NOX1: variants seen among roughly 807,000 people sequenced by gnomAD.
The protein encoded by NOX1 is NADPH oxidase 1.
NOX1 carries 34 observed loss-of-function variants against 42.5 expected under a neutral mutation model. The observed-to-expected ratio is 0.80, with a 90% CI of 0.61 to 1.07. The LOEUF (loss-of-function observed/expected upper bound fraction) is 1.07, where lower values mean the gene tolerates loss of function less well. NOX1 is among the 50% of genes least tolerant of loss of function. NOX1 has a pLI of 0.00. For synonymous variants in NOX1, 143 were observed against 152.5 expected (o/e 0.94, Z 0.46); for missense variants, 408 against 427.0 (o/e 0.96, Z 0.39).
intron 4 of NOX1, 101 bp downstream of exon 4, chrX:100,863,058 C>T: frequency 1.5e-6 from 1 of 674,282 alleles, no homozygotes; most frequent in Non-Finnish European, 2.4e-6. Context: ...AAATAGTGCC[C>T]AGTGCTCGAT....
Position 100,863,599 on chromosome X carries a change from C to T in NOX1, c.142-4G>A, listed in dbSNP as rs201776721. On this transcript the variant is annotated splice_polypyrimidine_tract_variant and splice_region_variant and intron_variant, in intron 2 of 12. Transcript: ENST00000372966. The stretch of plus-strand genomic sequence containing the variant: ...CTCGGGCACAGGCCAATGTTGACTA[C>T]AGCAGAGGAGAAAAAGAGACCATCA... 6.8e-4 allele frequency: 815 copies of T among 1,202,442 alleles called. No individual in the cohort carries two copies. The highest frequency in any genetic ancestry group is 8.5e-4 in the Admixed American group (38 of 44,545).
intron 2 of NOX1, among the ~76,000 whole-genome samples, chrX:100,870,207 CTATT>C (rs930184851): frequency 6.6e-5 from 7 of 105,693 alleles, no homozygotes; most frequent in Admixed American, 2.1e-4. Context: ...CCCTCTTTTT[CTATT>C]GATTGAAATA....
In NOX1 at chrX:100,874,159, G is replaced by A; in HGVS notation, c.-20C>T. 1 of 1,149,160 alleles carries A rather than the reference G, an allele frequency of 8.7e-7. No individual in the cohort carries two copies. The highest frequency in any genetic ancestry group is 1.2e-6 in the Non-Finnish European group (1 of 843,855). The allele number at this position is 1,149,160 out of a possible 1,213,427, so 94.7% of individuals were successfully genotyped here. A position where few individuals can be genotyped will look rare whatever the true frequency, so the allele number is the denominator to read the frequency against. The stretch of plus-strand genomic sequence containing the variant: ...TCCCATTGTCAAGAGGTGGTTTGGA[G>A]CCCTTCTAGGCAACAGGGAAGATTC... On this transcript the variant is annotated 5_prime_UTR_variant, in exon 1 of 13. Transcript: ENST00000372966.
chrX:100,870,689 G>T (rs777011792), intron 2 of NOX1, 30 bp downstream of exon 2: 1 of 891,154 alleles, frequency 1.1e-6, no homozygotes, highest in Non-Finnish European at 1.6e-6. Context: ...AAACAATAGA[G>T]ATTCTATCCG....
At chrX:100,865,725 C>T (rs889862643) in intron 2 of NOX1, among the ~76,000 whole-genome samples, 2 of 112,631 alleles carry the variant, frequency 1.8e-5, no homozygotes, top group African/African-American at 6.4e-5. Flanking sequence ...TAATGACTAG[C>T]TTTTTGGGAG....
chrX:100,858,159 G>A (rs1168798543), intron 7 of NOX1, among the ~76,000 whole-genome samples: 1 of 111,560 alleles, frequency 9.0e-6, no homozygotes, highest in South Asian at 3.8e-4. Flanking sequence ...ATGGCTAGCC[G>A]GTTATCCCAG....
In NOX1 at chrX:100,847,324, G is replaced by A. The variant is rs564580635; in HGVS notation, c.1568+1306C>T. Among the ~76,000 whole-genome samples, 5 of 111,792 alleles carry A rather than the reference G, an allele frequency of 4.5e-5. No homozygotes were observed. The South Asian group carries it at 1.1e-3, about 25-fold the overall frequency. ...TAGACTTTTCTTCCCTCCAGCATCC[G>A]TGAACCTCTTTCACGGAGTGCATTA... On this transcript the variant is annotated intron_variant, in intron 12 of 12. Coordinates refer to ENST00000372966, the MANE Select transcript of NOX1 (RefSeq NM_007052.5).
chrX:100,855,820 C>T, intron 7 of NOX1: 1 of 1,126,626 alleles, frequency 8.9e-7, no homozygotes, highest in South Asian at 1.8e-5. Flanking sequence ...CTGGATGAAG[C>T]ACTAGCCATC....
Position 100,863,654 on chromosome X carries a change from G to C in NOX1, c.142-59C>G, listed in dbSNP as rs200881290. 7 of 1,151,162 alleles carry C rather than the reference G, an allele frequency of 6.1e-6. No individual in the cohort carries two copies. The African/African-American group carries it at 1.1e-4, about 18-fold the overall frequency. The allele number at this position is 1,151,162 out of a possible 1,213,427, so 94.9% of individuals were successfully genotyped here. The stretch of plus-strand genomic sequence containing the variant: ...CTTCATTTCACCATCTAGCACGTGA[G>C]CAACTGACCCAGCCCACTCATCTGA... On this transcript the variant is annotated intron_variant, in intron 2 of 12. Transcript: ENST00000372966.
chrX:100,855,999 A>G (rs1342727492), intron 7 of NOX1: 42 of 1,104,400 alleles, frequency 3.8e-5, no homozygotes, highest in South Asian at 7.3e-5. Flanking sequence ...ATTTTTCCAA[A>G]CTGTTCAAAG....
intron 1 of NOX1, among the ~76,000 whole-genome samples, chrX:100,872,644 C>CA (rs1446876974): frequency 1.8e-5 from 2 of 109,935 alleles, no homozygotes; most frequent in Non-Finnish European, 1.9e-5. Context: ...ACTCTCCCAG[C>CA]AAAAAATAAG....
chrX:100,872,969 A>T (rs779025559), intron 1 of NOX1, among the ~76,000 whole-genome samples: 18 of 98,507 alleles, frequency 1.8e-4, no homozygotes, highest in African/African-American at 6.5e-4. Context: ...CAAAATAAGC[A>T]CTTTTGTTAA....
intron 7 of NOX1, among the ~76,000 whole-genome samples, chrX:100,860,107 C>T (rs1215310588): frequency 9.0e-6 from 1 of 110,748 alleles, no homozygotes; most frequent in Non-Finnish European, 1.9e-5. Flanking sequence ...CACTGCCCTG[C>T]CTTTTGCATT....
chrX:100,853,324 C>T (rs5921674), intron 7 of NOX1, among the ~76,000 whole-genome samples: 2,113 of 18,859 alleles, frequency 0.11, 67 homozygotes, highest in Middle Eastern at 0.16. Flanking sequence ...CTTTCTTTCT[C>T]TCTCTTTCTC....
intron 11 of NOX1, 64 bp from the exon 12 acceptor site, chrX:100,848,818 G>C: frequency 8.9e-7 from 1 of 1,121,123 alleles, no homozygotes; most frequent in Non-Finnish European, 1.2e-6. Flanking sequence ...GCTCACGCCT[G>C]TAATCCCAAT....
intron 1 of NOX1, among the ~76,000 whole-genome samples, chrX:100,871,910 C>A (rs751549233): frequency 8.9e-6 from 1 of 112,044 alleles, no homozygotes; most frequent in Non-Finnish European, 1.9e-5. Flanking sequence ...GTTGTAGCAT[C>A]ACCAATTAAT....
Position 100,870,781 on chromosome X carries a change from C to A in NOX1, c.79G>T (p.Val27Leu), listed in dbSNP as rs770816418. 1.0e-5 allele frequency: 12 copies of A among 1,192,513 alleles called. No individual in the cohort carries two copies. The highest frequency in any genetic ancestry group is 1.4e-5 in the Non-Finnish European group (12 of 882,029). The change falls in exon 2 of 13, where the codon GTG (valine) becomes TTG (leucine). Residue 27 changes from valine to leucine, a missense_variant. Val to Leu is a conservative substitution (Grantham distance 32, BLOSUM62 1). Coordinates refer to ENST00000372966, the MANE Select transcript of NOX1 (RefSeq NM_007052.5). ...VWLGLNVFLFVDAFLKYEKAD... is the reference protein window; with the variant it reads ...VWLGLNVFLFLDAFLKYEKAD... The stretch of plus-strand genomic sequence containing the variant: ...TTCTCATATTTCAGGAAGGCATCCA[C>A]AAACAGGAAAACATTCAGCCCTAAC...
chrX:100,870,801 C>G lies in NOX1; in HGVS notation c.59G>C (p.Gly20Ala), dbSNP rs759834340. The G allele has an allele frequency of 4.1e-5, 48 of 1,165,124 alleles. No homozygotes were observed. Among genetic ancestry groups the G allele is most frequent in the Non-Finnish European group, 5.5e-5 (47 of 862,180 alleles). ...FSVLFLVVWL[G>A]LNVFLFVDAF... is the part of the protein sequence containing the mutation. ...ATCCACAAACAGGAAAACATTCAGC[C>G]CTAACCAAACAACCTAGAGAAAGAA... Residue 20 changes from glycine to alanine, a missense_variant, in exon 2 of 13, where the codon GGG (glycine) becomes GCG (alanine). By Grantham distance (60) the Gly-to-Ala change is moderately conservative. Coordinates refer to ENST00000372966, the MANE Select transcript of NOX1 (RefSeq NM_007052.5).
intron 1 of NOX1, 116 bp from the exon 2 acceptor site, chrX:100,870,930 G>T: frequency 2.1e-6 from 1 of 479,491 alleles, no homozygotes; most frequent in South Asian, 3.4e-5. Context: ...GTGTTTACCT[G>T]TTTTCATTTT....
Sources: allele counts gnomAD v4.1 joint callset (sites outside exome capture counted in the v4.1 genomes callset), GRCh38; gene constraint gnomAD v4.1.1; transcripts MANE v1.5; gene names NCBI Gene and HGNC (gene_info 2026-07-23, HGNC 2026-07-21).